The following TSPAN15 variants were observed in gnomAD, a reference collection of about 807,000 sequenced individuals.
The protein encoded by TSPAN15 is tetraspanin 15.
A neutral mutation model predicts 34.5 loss-of-function variants in TSPAN15; 20 were observed. That is an observed-to-expected ratio of 0.58 (90% CI 0.41 to 0.84). The LOEUF is 0.84. Among genes scored for constraint, TSPAN15 ranks in the 40% least tolerant of loss-of-function variants. The pLI is 0.00. For synonymous variants in TSPAN15, 155 were observed against 153.9 expected, an observed-to-expected ratio of 1.01 and a Z score of -0.05; for missense variants, 313 against 386.1, an observed-to-expected ratio of 0.81 and a Z score of 1.59.
chr10:69,477,616 A>C lies in TSPAN15; in HGVS notation c.97-6075A>C, dbSNP rs571068078. On this transcript the variant is annotated intron_variant, in intron 1 of 7. Coordinates refer to ENST00000373290, the MANE Select transcript of TSPAN15 (RefSeq NM_012339.5). ...GCCCCGTTTCAAGAGCTTGCTAGCC[A>C]CACGTGGCTCGTGGATACCACACTA... is the stretch of plus-strand genomic sequence containing the variant. Among the ~76,000 whole-genome samples the C allele has an allele frequency of 2.6e-5, 4 of 152,368 alleles. No homozygotes were observed. In the South Asian group the frequency reaches 8.3e-4, roughly 32 times the overall value.
chr10:69,483,822 C>T lies in TSPAN15; in HGVS notation c.228C>T (p.Val76=). The change falls in exon 2 of 8, where the codon GTC becomes GTT. Residue 76 remains valine (V), a synonymous_variant. Coordinates refer to ENST00000373290, the MANE Select transcript of TSPAN15 (RefSeq NM_012339.5). ...TCCTGGGCGTCGTCATGTTCATGGT[C>T]TCCTTCATTGGTGTGCTGGCGTCCC... ...LILLGVVMFM[V]SFIGVLASLR... is the part of the protein sequence containing the mutation. 1 of 1,614,168 alleles carries T rather than the reference C, an allele frequency of 6.2e-7. No homozygotes were observed. The highest frequency in any genetic ancestry group is 8.5e-7 in the Non-Finnish European group (1 of 1,180,032).
chr10:69,456,957 C>G (rs1439986798), intron 1 of TSPAN15, among the ~76,000 whole-genome samples: 1 of 152,184 alleles, frequency 6.6e-6, no homozygotes, highest in Non-Finnish European at 1.5e-5. Flanking sequence ...CCTGCATCCT[C>G]AGGTAGGTGC....
chr10:69,547,486 C>T, the TSPAN15 span, among the ~76,000 whole-genome samples: 1 of 152,164 alleles, frequency 6.6e-6, no homozygotes, highest in African/African-American at 2.4e-5. Context: ...TTTTGATATA[C>T]CCTTTTCCAT....
chr10:69,487,594 G>A (rs770931997), intron 3 of TSPAN15, among the ~76,000 whole-genome samples: 59 of 152,206 alleles, frequency 3.9e-4, no homozygotes, highest in Non-Finnish European at 7.6e-4. Context: ...GGTCAGCAGC[G>A]TCCACGGCCT....
At chr10:69,471,624 C>T (rs1177522039) in intron 1 of TSPAN15, among the ~76,000 whole-genome samples, 6 of 134,840 alleles carry the variant, frequency 4.4e-5, no homozygotes, top group East Asian at 5.3e-4. Context: ...CCTTCTCTTT[C>T]GACTCTGGTA....
At chr10:69,534,958 T>A in the TSPAN15 span, among the ~76,000 whole-genome samples, 2 of 152,046 alleles carry the variant, frequency 1.3e-5, no homozygotes, top group African/African-American at 4.8e-5. Flanking sequence ...GCATTCCAGG[T>A]TGGGTGACAG....
downstream of TSPAN15, among the ~76,000 whole-genome samples, chr10:69,510,372 T>A (rs1399588332): frequency 6.6e-6 from 1 of 152,248 alleles, no homozygotes; most frequent in African/African-American, 2.4e-5. Flanking sequence ...ATGAATTGGT[T>A]CTCTGTCTGT....
At chr10:69,501,902 A>G (rs56003748) in intron 5 of TSPAN15, among the ~76,000 whole-genome samples, 17,926 of 152,144 alleles carry the variant, frequency 0.12, 1,112 homozygotes, top group South Asian at 0.13. Context: ...CCTAGGGTGC[A>G]TGCTCCTTAT....
At chr10:69,510,527 A>G (rs1167907414), downstream of TSPAN15, among the ~76,000 whole-genome samples, 1 of 152,212 alleles carries the variant, frequency 6.6e-6, no homozygotes, top group Non-Finnish European at 1.5e-5. Flanking sequence ...GCAAACAGAG[A>G]CAATTTGACT....
At chr10:69,504,286 A>C (rs1376730785) in intron 5 of TSPAN15, 152 bp from the exon 6 acceptor site, 1 of 601,502 alleles carries the variant, frequency 1.7e-6, no homozygotes, top group Non-Finnish European at 2.9e-6. Flanking sequence ...ATGGAGACTC[A>C]AGCCAGACTG....
At chr10:69,461,916 C>T (rs1187979944) in intron 1 of TSPAN15, among the ~76,000 whole-genome samples, 4 of 150,676 alleles carry the variant, frequency 2.7e-5, no homozygotes, top group Non-Finnish European at 5.9e-5. Context: ...CCACCACCCC[C>T]CCGCCACCAC....
the TSPAN15 span, among the ~76,000 whole-genome samples, chr10:69,543,844 A>AGTATGTGTGTGTGTGTGT: frequency 3.7e-4 from 27 of 73,808 alleles, no homozygotes; most frequent in African/African-American, 1.5e-3. Flanking sequence ...GAAGAAGGGG[A>AGTATGTGTGTGTGTGTGT]GTGTGTGTGT....
chr10:69,499,797 G>T (rs1387673435), intron 5 of TSPAN15, among the ~76,000 whole-genome samples: 4 of 152,176 alleles, frequency 2.6e-5, no homozygotes, highest in Admixed American at 2.0e-4. Flanking sequence ...AAGTGAGGAA[G>T]GTGTCTGGGG....
intron 5 of TSPAN15, among the ~76,000 whole-genome samples, chr10:69,504,001 C>G (rs1329150625): frequency 2.0e-5 from 3 of 152,184 alleles, no homozygotes; most frequent in Non-Finnish European, 4.4e-5. Flanking sequence ...TGCCCTGGAC[C>G]TCAGGTAAAC....
intron 1 of TSPAN15, among the ~76,000 whole-genome samples, chr10:69,460,429 G>A (rs1841226686): frequency 6.6e-6 from 1 of 152,170 alleles, no homozygotes; most frequent in Non-Finnish European, 1.5e-5. Context: ...GTAGACTTAC[G>A]ATGTCACCTT....
intron 1 of TSPAN15, among the ~76,000 whole-genome samples, chr10:69,467,987 C>T (rs1428493186): frequency 2.0e-5 from 3 of 152,110 alleles, no homozygotes; most frequent in African/African-American, 7.2e-5. Context: ...GTGTTACTTG[C>T]CTACGTTGTA....
At chr10:69,485,775 GT>G (rs112192537) in intron 3 of TSPAN15, among the ~76,000 whole-genome samples, 6,038 of 96,826 alleles carry the variant, frequency 0.062, 381 homozygotes, top group African/African-American at 0.22. Flanking sequence ...CTGGGAGGCT[GT>G]GGGGGGTCAT....
At chr10:69,471,693 G>A (rs1344100194) in intron 1 of TSPAN15, among the ~76,000 whole-genome samples, 2 of 151,200 alleles carry the variant, frequency 1.3e-5, no homozygotes, top group East Asian at 2.0e-4. Flanking sequence ...CTGAGCTCAG[G>A]CCATCCTCCC....
chr10:69,460,689 C>T (rs180876164), intron 1 of TSPAN15, among the ~76,000 whole-genome samples: 45 of 152,212 alleles, frequency 3.0e-4, no homozygotes, highest in African/African-American at 1.0e-3. Context: ...CAGAGTGACC[C>T]TTGAGCTGGG....
Sources: gnomAD v4.1 joint callset for allele counts (sites outside exome capture counted in the v4.1 genomes callset) on GRCh38, gnomAD v4.1.1 for gene constraint, MANE v1.5 for transcripts, NCBI Gene and HGNC (gene_info 2026-07-23, HGNC 2026-07-21) for gene names.